Variants in ADK observed in about 807,000 individuals in gnomAD.
The protein encoded by ADK is adenosine kinase, also known as N6,N6-dimethyladenosine kinase.
A neutral mutation model predicts 44.7 loss-of-function variants in ADK; 24 were observed. The observed-to-expected ratio is 0.54, with a 90% CI of 0.39 to 0.76. The LOEUF is 0.76. ADK is among the 30% of genes least tolerant of loss of function. The pLI, the probability that ADK is intolerant of heterozygous loss-of-function variation, is 0.00. For synonymous variants in ADK, 128 were observed against 142.6 expected (o/e 0.90, Z 0.73); for missense variants, 321 against 425.1 (o/e 0.76, Z 2.15).
intron 9 of ADK, among the ~76,000 whole-genome samples, chr10:74,645,878 A>C (rs1323423012): frequency 6.6e-6 from 1 of 152,168 alleles, no homozygotes; most frequent in Non-Finnish European, 1.5e-5. Context: ...CGATATTATC[A>C]TATCAATTGA....
At chr10:74,534,362 CA>C (rs1391192854) in intron 7 of ADK, among the ~76,000 whole-genome samples, 1 of 152,048 alleles carries the variant, frequency 6.6e-6, no homozygotes, top group Non-Finnish European at 1.5e-5. Context: ...CATTAAGTTC[CA>C]AAAATACACT....
At chr10:74,701,179 G>A (rs1421592833) in intron 10 of ADK, among the ~76,000 whole-genome samples, 1 of 152,170 alleles carries the variant, frequency 6.6e-6, no homozygotes, top group African/African-American at 2.4e-5. Context: ...ATAAAAGAAG[G>A]AACATACAAA....
chr10:74,699,663 G>T (rs192233528), intron 10 of ADK, among the ~76,000 whole-genome samples: 24 of 150,690 alleles, frequency 1.6e-4, no homozygotes, highest in Non-Finnish European at 1.3e-4. Flanking sequence ...TGACAGAGGA[G>T]ACTCTCAAAA....
rs779676595 is a variant in ADK at position 74,224,589 on chromosome 10, A to G, written c.192A>G (p.Glu64=). 3.7e-6 allele frequency: 6 copies of G among 1,613,038 alleles called. No homozygotes were observed. The highest frequency in any genetic ancestry group is 3.4e-6 in the Non-Finnish European group (4 of 1,179,282). The change falls in exon 3 of 11, where the codon GAA becomes GAG. Residue 64 remains glutamate, a splice_region_variant and synonymous_variant. Coordinates refer to ENST00000539909, the MANE Select transcript of ADK (RefSeq NM_006721.4). ...DQILAEDKHK[E]LFDELVKKFK... ...TCTTGGCTGAAGACAAACACAAGGA[A>G]CTGTAAGTGCATTAAACCATTGGTT...
chr10:74,533,624 G>C (rs1401868883), intron 7 of ADK, among the ~76,000 whole-genome samples: 1 of 152,190 alleles, frequency 6.6e-6, no homozygotes, highest in East Asian at 1.9e-4. Context: ...ACGGCTATTA[G>C]AATGTCTGAA....
At chr10:74,354,099 T>G (rs977227448) in intron 4 of ADK, among the ~76,000 whole-genome samples, 1 of 152,212 alleles carries the variant, frequency 6.6e-6, no homozygotes, top group Admixed American at 6.5e-5. Flanking sequence ...CACAAGCAAC[T>G]AAATCACTGA....
At chr10:74,651,812 G>A (rs1285173661) in intron 9 of ADK, among the ~76,000 whole-genome samples, 1 of 152,008 alleles carries the variant, frequency 6.6e-6, no homozygotes, top group African/African-American at 2.4e-5. Flanking sequence ...AGTTAAAAGA[G>A]GTGGATGACT....
chr10:74,170,360 A>G (rs1338058702), intron 1 of ADK, among the ~76,000 whole-genome samples: 1 of 152,276 alleles, frequency 6.6e-6, no homozygotes, highest in East Asian at 1.9e-4. Flanking sequence ...CATTTATAAA[A>G]TTAGCCCAAT....
At chr10:74,656,079 C>T (rs139844711) in intron 9 of ADK, 7 of 426,290 alleles carry the variant, frequency 1.6e-5, no homozygotes, top group African/African-American at 1.0e-4. Flanking sequence ...ACATGTGAAG[C>T]ACAAACTTCT....
chr10:74,600,895 C>G (rs1159036631), intron 9 of ADK, among the ~76,000 whole-genome samples: 1 of 151,736 alleles, frequency 6.6e-6, no homozygotes, highest in Admixed American at 6.6e-5. Context: ...AGAAGAAAAT[C>G]TCATTTTTTG....
intron 7 of ADK, among the ~76,000 whole-genome samples, chr10:74,578,999 C>T (rs1047692119): frequency 6.6e-5 from 10 of 151,926 alleles, no homozygotes; most frequent in East Asian, 1.9e-4. Context: ...TTTGGGAGGC[C>T]GAGGCAGGTG....
intron 1 of ADK, among the ~76,000 whole-genome samples, chr10:74,162,661 C>T (rs1006103989): frequency 1.3e-5 from 2 of 151,854 alleles, no homozygotes; most frequent in African/African-American, 2.4e-5. Flanking sequence ...TCTCCTGCCT[C>T]AGCCTCCTGA....
intron 2 of ADK, among the ~76,000 whole-genome samples, chr10:74,218,082 G>A (rs1406233874): frequency 6.6e-6 from 1 of 152,102 alleles, no homozygotes; most frequent in Non-Finnish European, 1.5e-5. Flanking sequence ...AGCTACGGGA[G>A]GAAATTCAAA....
At chr10:74,444,152 G>A (rs759151302) in intron 6 of ADK, among the ~76,000 whole-genome samples, 9 of 152,072 alleles carry the variant, frequency 5.9e-5, no homozygotes, top group Admixed American at 1.3e-4. Flanking sequence ...ATGCCCAAAT[G>A]AGTAATATGT....
At chr10:74,240,960 CAT>C (rs942301993) in intron 3 of ADK, among the ~76,000 whole-genome samples, 23 of 152,250 alleles carry the variant, frequency 1.5e-4, no homozygotes, top group African/African-American at 5.3e-4. Flanking sequence ...GGTGTGGAGA[CAT>C]AGGTCTGTTA....
chr10:74,469,360 CT>C, intron 6 of ADK, among the ~76,000 whole-genome samples: 1 of 152,142 alleles, frequency 6.6e-6, no homozygotes, highest in East Asian at 1.9e-4. Flanking sequence ...ATTTTTTAAC[CT>C]TTTAATTTAT....
chr10:74,217,793 A>G (rs1470415552), intron 2 of ADK, among the ~76,000 whole-genome samples: 4 of 151,478 alleles, frequency 2.6e-5, no homozygotes, highest in Non-Finnish European at 5.9e-5. Context: ...AAACTCCAAC[A>G]GACCTGCAGC....
intron 6 of ADK, among the ~76,000 whole-genome samples, chr10:74,441,697 A>G (rs1447385187): frequency 6.6e-6 from 1 of 152,180 alleles, no homozygotes; most frequent in Non-Finnish European, 1.5e-5. Context: ...CAGCAAAAGC[A>G]AAATTAAACA....
At chr10:74,225,775 T>C (rs1844512100) in intron 3 of ADK, among the ~76,000 whole-genome samples, 1 of 152,204 alleles carries the variant, frequency 6.6e-6, no homozygotes, top group Non-Finnish European at 1.5e-5. Context: ...CAAATATATA[T>C]ATTGTCAAGA....
Sources: allele counts gnomAD v4.1 joint callset (sites outside exome capture counted in the v4.1 genomes callset), GRCh38; gene constraint gnomAD v4.1.1; transcripts MANE v1.5; gene names NCBI Gene and HGNC (gene_info 2026-07-23, HGNC 2026-07-21).